LYRM4: variants seen among roughly 807,000 people sequenced by gnomAD.
LYRM4 encodes LYR motif-containing protein 4.
In LYRM4, 9 loss-of-function variants were observed where a neutral mutation model predicts 11.7. The ratio of observed to expected loss-of-function variants is 0.77; its 90% confidence interval spans 0.46 to 1.34. The LOEUF (loss-of-function observed/expected upper bound fraction) is 1.34, where lower values mean the gene tolerates loss of function less well. LYRM4 is among the 40% of genes most tolerant of loss of function. The probability of loss-of-function intolerance (pLI) is 0.00; values close to 1 mark genes in which losing one functional copy is unlikely to be tolerated. For missense variants in LYRM4, 133 were observed against 112.5 expected (o/e 1.18, Z -0.82); for synonymous variants, 42 against 40.4 (o/e 1.04, Z -0.15).
the LYRM4 span, among the ~76,000 whole-genome samples, chr6:5,044,154 G>A: frequency 6.6e-5 from 10 of 152,006 alleles, no homozygotes; most frequent in African/African-American, 2.4e-4. Flanking sequence ...GTGAGACGGA[G>A]TTTCACTCTT....
chr6:5,146,387 A>G (rs1194253197), intron 2 of LYRM4, among the ~76,000 whole-genome samples: 1 of 151,980 alleles, frequency 6.6e-6, no homozygotes, highest in Admixed American at 6.6e-5. Flanking sequence ...TGTTACCTTC[A>G]TTTTTTTTAT....
chr6:5,153,094 CTTA>C (rs1313632864), intron 2 of LYRM4, among the ~76,000 whole-genome samples: 1 of 152,028 alleles, frequency 6.6e-6, no homozygotes, highest in Non-Finnish European at 1.5e-5. Flanking sequence ...CATTGGTAAT[CTTA>C]TTATTATTTT....
chr6:5,083,289 C>A, the LYRM4 span, among the ~76,000 whole-genome samples: 1 of 152,218 alleles, frequency 6.6e-6, no homozygotes, highest in Non-Finnish European at 1.5e-5. Context: ...TTGTATTTAA[C>A]TCCATAATGT....
At chr6:5,145,438 A>T (rs902877386) in intron 2 of LYRM4, among the ~76,000 whole-genome samples, 1 of 152,202 alleles carries the variant, frequency 6.6e-6, no homozygotes, top group Non-Finnish European at 1.5e-5. Context: ...GTTCATAAAG[A>T]TTAATAAAAC....
At chr6:5,251,761 A>G (rs1487806020) in intron 1 of LYRM4, among the ~76,000 whole-genome samples, 2 of 152,140 alleles carry the variant, frequency 1.3e-5, no homozygotes, top group South Asian at 4.1e-4. Context: ...AGCCTTCTTG[A>G]TCAATCAGTG....
chr6:5,117,545 CAA>C (rs558199881), intron 2 of LYRM4, among the ~76,000 whole-genome samples: 4 of 121,108 alleles, frequency 3.3e-5, no homozygotes, highest in Non-Finnish European at 3.6e-5. Context: ...GACTCTGTCT[CAA>C]AAAAAAAAAA....
At chr6:5,089,547 G>A in the LYRM4 span, 5 of 152,170 alleles carry the variant, frequency 3.3e-5, no homozygotes, top group Non-Finnish European at 7.4e-5. Flanking sequence ...TCAAACAAGA[G>A]AAATAGATTT....
chr6:5,233,320 G>A (rs1184962184), intron 1 of LYRM4, among the ~76,000 whole-genome samples: 2 of 152,240 alleles, frequency 1.3e-5, no homozygotes, highest in African/African-American at 4.8e-5. Context: ...CATGTGTTAT[G>A]TGAAAATACT....
intron 1 of LYRM4, among the ~76,000 whole-genome samples, chr6:5,253,391 GGTTAT>G (rs1379487339): frequency 6.6e-6 from 1 of 150,872 alleles, no homozygotes; most frequent in African/African-American, 2.4e-5. Context: ...AAATAAATGT[GGTTAT>G]GTTATACATC....
intron 2 of LYRM4, among the ~76,000 whole-genome samples, chr6:5,178,071 A>G (rs1759824622): frequency 6.6e-6 from 1 of 152,158 alleles, no homozygotes; most frequent in South Asian, 2.1e-4. Context: ...CCAGCTTAAG[A>G]GCAGTGACTA....
chr6:5,099,857 T>C (rs1480633563), downstream of LYRM4, among the ~76,000 whole-genome samples: 1 of 152,226 alleles, frequency 6.6e-6, no homozygotes, highest in Non-Finnish European at 1.5e-5. This position sits in a 1 kb window ranked among gnomAD's most constrained non-coding sequence, Gnocchi z 4.3. Flanking sequence ...CCAGATCCAC[T>C]GCTCTGAACC....
chr6:5,062,081 CTTTTTT>C, the LYRM4 span, among the ~76,000 whole-genome samples: 397 of 117,248 alleles, frequency 3.4e-3, 1 homozygote, highest in African/African-American at 0.012. Context: ...CTTCCTTCTT[CTTTTTT>C]TTTTTTTTTT....
intron 2 of LYRM4, among the ~76,000 whole-genome samples, chr6:5,187,713 C>G (rs929435044): frequency 6.6e-6 from 1 of 152,066 alleles, no homozygotes; most frequent in African/African-American, 2.4e-5. Flanking sequence ...TGTATCAAAC[C>G]TGCACGTTGT....
At chr6:5,140,253 G>A (rs1319655998) in intron 2 of LYRM4, among the ~76,000 whole-genome samples, 2 of 151,852 alleles carry the variant, frequency 1.3e-5, no homozygotes, top group African/African-American at 2.4e-5. Context: ...CTTTCACCAC[G>A]TGACTGTGCT....
intron 2 of LYRM4, among the ~76,000 whole-genome samples, chr6:5,168,698 G>A (rs1179337415): frequency 6.6e-6 from 1 of 152,168 alleles, no homozygotes; most frequent in African/African-American, 2.4e-5. Flanking sequence ...GGAGAAATTT[G>A]TATTGGATTG....
At chr6:5,073,635 A>G in the LYRM4 span, among the ~76,000 whole-genome samples, 1 of 150,708 alleles carries the variant, frequency 6.6e-6, no homozygotes, top group East Asian at 1.9e-4. Flanking sequence ...ATAGTATAGG[A>G]TTATGCCAAC....
At chr6:5,194,056 C>T (rs1308972962) in intron 2 of LYRM4, among the ~76,000 whole-genome samples, 1 of 119,900 alleles carries the variant, frequency 8.3e-6, no homozygotes, top group African/African-American at 3.4e-5. Context: ...GAAACAGAAC[C>T]AACAGGGTGT....
intron 1 of LYRM4, among the ~76,000 whole-genome samples, chr6:5,224,019 C>T (rs1033889078): frequency 9.9e-5 from 15 of 152,224 alleles, no homozygotes; most frequent in Non-Finnish European, 1.8e-4. Flanking sequence ...GGACCACCAA[C>T]TCCGGCCATC....
chr6:5,162,171 C>T (rs1758798380), intron 2 of LYRM4, among the ~76,000 whole-genome samples: 1 of 152,198 alleles, frequency 6.6e-6, no homozygotes, highest in Non-Finnish European at 1.5e-5. Context: ...GCCTGCACTG[C>T]AGAATCACCT....
Sources: allele counts gnomAD v4.1 joint callset (sites outside exome capture counted in the v4.1 genomes callset), GRCh38; gene constraint gnomAD v4.1.1; non-coding constraint Gnocchi (gnomAD v3.1); transcripts MANE v1.5; gene names NCBI Gene and HGNC (gene_info 2026-07-23, HGNC 2026-07-21).